Variants in EXOC4 observed in about 807,000 individuals in gnomAD.
EXOC4 encodes the protein exocyst complex component 4.
Under a neutral mutation model 107.2 loss-of-function variants are expected in EXOC4, and 71 were observed. That is an observed-to-expected ratio of 0.66 (90% confidence interval 0.55 to 0.81). The LOEUF (loss-of-function observed/expected upper bound fraction) is 0.81, where lower values mean the gene tolerates loss of function less well. EXOC4 is among the 30% of genes least tolerant of loss of function. EXOC4 has a pLI of 0.00. For synonymous variants in EXOC4, 456 were observed against 441.2 expected (o/e 1.03, Z -0.42); for missense variants, 1,108 against 1,189.6 (o/e 0.93, Z 1.01).
intron 9 of EXOC4, among the ~76,000 whole-genome samples, chr7:133,481,405 T>C (rs1799153923): frequency 1.3e-5 from 2 of 152,144 alleles, no homozygotes; most frequent in African/African-American, 2.4e-5. Context: ...TCTTGATGCG[T>C]TGGGCTCACG....
At chr7:134,062,622 C>T (rs140525932) in intron 17 of EXOC4, among the ~76,000 whole-genome samples, 204 of 152,320 alleles carry the variant, frequency 1.3e-3, no homozygotes, top group East Asian at 5.4e-3. Flanking sequence ...TTACCTTTCA[C>T]GTCAGAGAGA....
At position 133,478,602 on chromosome 7, in the gene EXOC4, C is replaced by T. The variant is rs1799076368; in HGVS notation, c.1329-1448C>T. 2.0e-5 allele frequency among the ~76,000 whole-genome samples: 3 copies of T among 152,058 alleles called. No homozygotes were observed. The South Asian group carries it at 6.2e-4, about 32-fold the overall frequency. On this transcript the variant is annotated intron_variant, in intron 8 of 17. Coordinates refer to ENST00000253861, the MANE Select transcript of EXOC4 (RefSeq NM_021807.4). ...CAGACATAAAAAGAATTCCTGAGTA[C>T]CAAAAATACATCAAGTCATAAAGGA...
chr7:133,351,549 A>C (rs2150647213), intron 5 of EXOC4, among the ~76,000 whole-genome samples: 1 of 152,006 alleles, frequency 6.6e-6, no homozygotes, highest in African/African-American at 2.4e-5. Flanking sequence ...CCATTTATGA[A>C]TTTAGTCATT....
intron 11 of EXOC4, among the ~76,000 whole-genome samples, chr7:133,855,042 T>TATATGTCTAA (rs1798319891): frequency 1.3e-5 from 1 of 75,690 alleles, no homozygotes; most frequent in Non-Finnish European, 2.3e-5. Flanking sequence ...TCTAAATATA[T>TATATGTCTAA]ATATATCTAA....
chr7:133,771,159 A>G (rs1421839957), intron 10 of EXOC4: 2 of 152,000 alleles, frequency 1.3e-5, no homozygotes, highest in Non-Finnish European at 2.9e-5. Context: ...GAGGGTATAC[A>G]TGGAAGACAG....
At chr7:134,095,480 C>G in the EXOC4 span, among the ~76,000 whole-genome samples, 1 of 152,084 alleles carries the variant, frequency 6.6e-6, no homozygotes, top group Non-Finnish European at 1.5e-5. Flanking sequence ...TTCTAAAATT[C>G]ATATGGAACC....
intron 11 of EXOC4, among the ~76,000 whole-genome samples, chr7:133,818,498 A>G (rs1797428522): frequency 6.6e-6 from 1 of 152,172 alleles, no homozygotes; most frequent in Non-Finnish European, 1.5e-5. Flanking sequence ...CCTTTCTTAG[A>G]GAAGCGTCCT....
intron 7 of EXOC4, among the ~76,000 whole-genome samples, chr7:133,420,205 G>T (rs1204689915): frequency 7.0e-6 from 1 of 142,100 alleles, no homozygotes; most frequent in Non-Finnish European, 1.5e-5. Flanking sequence ...CCACCTATGA[G>T]TGAGAATATG....
chr7:133,353,371 C>T (rs1795953292), intron 5 of EXOC4, among the ~76,000 whole-genome samples: 1 of 152,016 alleles, frequency 6.6e-6, no homozygotes, highest in South Asian at 2.1e-4. Flanking sequence ...CTTAATTTTT[C>T]CCAATCACTT....
At chr7:133,878,785 G>A (rs746217451) in intron 11 of EXOC4, among the ~76,000 whole-genome samples, 16 of 152,052 alleles carry the variant, frequency 1.1e-4, no homozygotes, top group South Asian at 4.1e-4. Flanking sequence ...GTGCAGTGGC[G>A]CGATCTTGGC....
chr7:134,075,953 A>G, the EXOC4 span, among the ~76,000 whole-genome samples: 1 of 152,188 alleles, frequency 6.6e-6, no homozygotes, highest in Non-Finnish European at 1.5e-5. Flanking sequence ...TAAGAAATAC[A>G]TCTTTGTTGT....
intron 1 of EXOC4, among the ~76,000 whole-genome samples, chr7:133,267,539 G>C (rs565159050): frequency 2.0e-5 from 3 of 152,230 alleles, no homozygotes; most frequent in East Asian, 1.9e-4. Context: ...CTTATGTGAA[G>C]TAGCCTCCTT....
rs757722896 is a variant in EXOC4, at chr7:133,997,625, G to A, written c.2340G>A (p.Leu780=). ...MADRCLLVLH[L]EVRVHCFHYL... is the part of the protein sequence containing the mutation. Reference sequence around the variant, plus strand: ...ACCGCTGCTTGCTTGTCTTACATCTGGAAGTGAGGTATGATACAGCCAAGC... The same window carrying A: ...ACCGCTGCTTGCTTGTCTTACATCTAGAAGTGAGGTATGATACAGCCAAGC... The change falls in exon 15 of 18, where the codon CTG becomes CTA. Residue 780 remains leucine (L), a synonymous_variant. Coordinates refer to ENST00000253861, the MANE Select transcript of EXOC4 (RefSeq NM_021807.4). 5.6e-6 allele frequency: 9 copies of A among 1,612,928 alleles called. No individual in the cohort carries two copies. Among genetic ancestry groups the A allele is most frequent in the Non-Finnish European group, 6.8e-6 (8 of 1,179,500 alleles).
the EXOC4 span, among the ~76,000 whole-genome samples, chr7:134,083,565 A>G: frequency 1.3e-5 from 2 of 152,192 alleles, no homozygotes; most frequent in African/African-American, 4.8e-5. Flanking sequence ...GGAACATCCA[A>G]GATGGCTTCA....
intron 7 of EXOC4, among the ~76,000 whole-genome samples, chr7:133,384,885 A>G (rs1796694468): frequency 6.6e-6 from 1 of 150,762 alleles, no homozygotes; most frequent in African/African-American, 2.4e-5. Flanking sequence ...TATTTCTCAT[A>G]GTTTTGTGAG....
At chr7:134,024,019 A>G (rs536379305) in intron 17 of EXOC4, among the ~76,000 whole-genome samples, 1 of 152,314 alleles carries the variant, frequency 6.6e-6, no homozygotes, top group African/African-American at 2.4e-5. Context: ...GGGGTGCCCA[A>G]ATCCAGGAGG....
intron 10 of EXOC4, among the ~76,000 whole-genome samples, chr7:133,652,133 G>A (rs895455116): frequency 6.6e-6 from 1 of 152,158 alleles, no homozygotes; most frequent in Non-Finnish European, 1.5e-5. Context: ...GACACTGACA[G>A]TAAATATTTT....
chr7:133,404,859 T>G (rs1208413260), intron 7 of EXOC4, among the ~76,000 whole-genome samples: 2 of 122,174 alleles, frequency 1.6e-5, no homozygotes, highest in African/African-American at 3.2e-5. Flanking sequence ...AGACTGCGCC[T>G]CCACCCCCTG....
intron 10 of EXOC4, among the ~76,000 whole-genome samples, chr7:133,803,206 A>G (rs1452915534): frequency 2.0e-5 from 3 of 152,208 alleles, no homozygotes; most frequent in Non-Finnish European, 1.5e-5. Flanking sequence ...TATCTGAGCC[A>G]GAGTAGTTTT....
Sources: gnomAD v4.1 joint callset for allele counts (sites outside exome capture counted in the v4.1 genomes callset) on GRCh38, gnomAD v4.1.1 for gene constraint, MANE v1.5 for transcripts, NCBI Gene and HGNC (gene_info 2026-07-23, HGNC 2026-07-21) for gene names.